Variants in ASXL3 observed in about 807,000 individuals in gnomAD.
The protein encoded by ASXL3 is ASXL transcriptional regulator 3, also known as putative Polycomb group protein ASXL3.
Under a neutral mutation model 170.6 loss-of-function variants are expected in ASXL3, and 34 were observed. The observed-to-expected ratio is 0.20, with a 90% CI of 0.15 to 0.27. The LOEUF is 0.27. Ranked by LOEUF, ASXL3 falls within the 10% of genes least tolerant of loss-of-function variation. The probability of loss-of-function intolerance (pLI) is 1.00; values close to 1 mark genes in which losing one functional copy is unlikely to be tolerated. For synonymous variants in ASXL3, 1,002 were observed against 989.1 expected (o/e 1.01, Z -0.24); for missense variants, 2,592 against 2,695.3 (o/e 0.96, Z 0.85).
chr18:33,646,363 A>T lies in ASXL3; in HGVS notation c.355+10A>T. The T allele has an allele frequency of 6.3e-7, 1 of 1,576,676 alleles. No individual in the cohort carries two copies. The highest frequency in any genetic ancestry group is 8.7e-7 in the Non-Finnish European group (1 of 1,150,058). ...GGAGAAGAAAATGGAGGTAAGTGTG[A>T]TGAATTCCAAAATATAATCCCTTGT... On this transcript the variant is annotated intron_variant, in intron 4 of 11. Coordinates refer to ENST00000269197, the MANE Select transcript of ASXL3 (RefSeq NM_030632.3).
intron 2 of ASXL3, among the ~76,000 whole-genome samples, chr18:33,641,157 A>G (rs2065840939): frequency 6.6e-6 from 1 of 152,046 alleles, no homozygotes; most frequent in Admixed American, 6.6e-5. Context: ...CATTCCTTTC[A>G]CTAAGTATTC....
At chr18:33,700,291 G>A (rs532451718) in intron 8 of ASXL3, among the ~76,000 whole-genome samples, 1 of 152,156 alleles carries the variant, frequency 6.6e-6, no homozygotes, top group African/African-American at 2.4e-5. Context: ...GGGTGGAATA[G>A]GTGGTTATTG....
At position 33,676,228 on chromosome 18, in the gene ASXL3, A is replaced by AAAAAAAAAAAAAAAAAAAAT. The variant is rs2066428578; in HGVS notation, c.715+4363_715+4382dup. On this transcript the variant is annotated intron_variant, in intron 7 of 11. Transcript: ENST00000269197. ...GACGAGCGAGACTCCGTCTCAAAAA[A>AAAAAAAAAAAAAAAAAAAAT]AAAAAAAAAAAAAAAAAAATTATTC... Among the ~76,000 whole-genome samples, 2 of 148,846 alleles carry AAAAAAAAAAAAAAAAAAAAT rather than the reference A, an allele frequency of 1.3e-5. 1 individual carries two copies. Among genetic ancestry groups the AAAAAAAAAAAAAAAAAAAAT allele is most frequent in the South Asian group, 4.3e-4 (2 of 4,658 alleles).
At chr18:33,712,349 C>G (rs1365244490) in intron 8 of ASXL3, among the ~76,000 whole-genome samples, 1 of 152,064 alleles carries the variant, frequency 6.6e-6, no homozygotes, top group Non-Finnish European at 1.5e-5. Context: ...GATTGTTGCT[C>G]CTGGCATTAA....
intron 10 of ASXL3, among the ~76,000 whole-genome samples, chr18:33,736,268 C>A (rs1487417734): frequency 6.6e-6 from 1 of 152,090 alleles, no homozygotes; most frequent in Non-Finnish European, 1.5e-5. Flanking sequence ...AAGATGACAG[C>A]TATGATATTA....
chr18:33,728,997 G>A (rs2067397258), intron 8 of ASXL3, among the ~76,000 whole-genome samples: 1 of 152,166 alleles, frequency 6.6e-6, no homozygotes, highest in Non-Finnish European at 1.5e-5. Context: ...ACTTGGACCT[G>A]GAGGCCACTA....
At chr18:33,661,420 G>A (rs865991531) in intron 4 of ASXL3, among the ~76,000 whole-genome samples, 196 bp from the exon 5 acceptor site, 1 of 151,956 alleles carries the variant, frequency 6.6e-6, no homozygotes, top group Non-Finnish European at 1.5e-5. Context: ...AGCTTAAAAA[G>A]GTTAAATGGA....
intron 8 of ASXL3, among the ~76,000 whole-genome samples, chr18:33,691,106 AG>A (rs1599499997): frequency 1.3e-5 from 2 of 152,198 alleles, no homozygotes; most frequent in African/African-American, 4.8e-5. Flanking sequence ...GATTCTGATT[AG>A]GTTCAGCTGT....
intron 7 of ASXL3, among the ~76,000 whole-genome samples, chr18:33,677,103 C>T (rs144326230): frequency 2.2e-4 from 34 of 152,140 alleles, no homozygotes; most frequent in Non-Finnish European, 2.9e-4. Flanking sequence ...TGGATGTCTC[C>T]GAGGGGGTTT....
chr18:33,697,055 C>T (rs1187111158), intron 8 of ASXL3, among the ~76,000 whole-genome samples: 1 of 152,072 alleles, frequency 6.6e-6, no homozygotes, highest in Non-Finnish European at 1.5e-5. Context: ...GATCTAACAC[C>T]TACTGACCTC....
At chr18:33,715,550 C>T (rs943862463) in intron 8 of ASXL3, among the ~76,000 whole-genome samples, 3 of 152,074 alleles carry the variant, frequency 2.0e-5, no homozygotes, top group African/African-American at 7.2e-5. Flanking sequence ...AGAAATGGGC[C>T]CAGTGCTGAT....
At chr18:33,734,759 A>G in intron 10 of ASXL3, among the ~76,000 whole-genome samples, 1 of 152,142 alleles carries the variant, frequency 6.6e-6, no homozygotes, top group East Asian at 1.9e-4. Context: ...TAGATAAATA[A>G]TTTTAGTCAT....
chr18:33,736,366 C>G (rs1297586255), intron 10 of ASXL3, among the ~76,000 whole-genome samples: 1 of 151,988 alleles, frequency 6.6e-6, no homozygotes, highest in East Asian at 1.9e-4. Context: ...TGTAGTTTAT[C>G]AGTAGCTTTT....
At chr18:33,696,539 G>A in intron 8 of ASXL3, among the ~76,000 whole-genome samples, 1 of 152,064 alleles carries the variant, frequency 6.6e-6, no homozygotes, top group Non-Finnish European at 1.5e-5. Flanking sequence ...TTAACCAGAG[G>A]GATAATGGGT....
At chr18:33,687,625 ATTTATC>A (rs1401688555) in intron 8 of ASXL3, among the ~76,000 whole-genome samples, 1 of 152,098 alleles carries the variant, frequency 6.6e-6, no homozygotes, top group African/African-American at 2.4e-5. Context: ...TGAGTTTCGC[ATTTATC>A]TTGACAATGC....
intron 8 of ASXL3, among the ~76,000 whole-genome samples, chr18:33,728,682 T>G (rs1195189220): frequency 6.6e-6 from 1 of 152,104 alleles, no homozygotes; most frequent in Non-Finnish European, 1.5e-5. Context: ...CCCAATGACT[T>G]TACCTTCTTA....
chr18:33,666,928 G>C (rs1193843036), intron 5 of ASXL3, among the ~76,000 whole-genome samples: 1 of 152,204 alleles, frequency 6.6e-6, no homozygotes, highest in Non-Finnish European at 1.5e-5. Flanking sequence ...TGTGCTTGTG[G>C]CCTGAGCAGG....
chr18:33,609,477 A>G (rs1168166061), intron 2 of ASXL3, among the ~76,000 whole-genome samples: 1 of 152,060 alleles, frequency 6.6e-6, no homozygotes, highest in African/African-American at 2.4e-5. Context: ...ACAACATTTT[A>G]ATTACACTTG....
At chr18:33,703,204 C>T (rs2066905385) in intron 8 of ASXL3, among the ~76,000 whole-genome samples, 1 of 152,132 alleles carries the variant, frequency 6.6e-6, no homozygotes, top group Non-Finnish European at 1.5e-5. Flanking sequence ...CAAGATCACT[C>T]TTAGGCACAA....
Sources: allele counts gnomAD v4.1 joint callset (sites outside exome capture counted in the v4.1 genomes callset), GRCh38; gene constraint gnomAD v4.1.1; transcripts MANE v1.5; gene names NCBI Gene and HGNC (gene_info 2026-07-23, HGNC 2026-07-21).